The following LRRC4C variants were observed in gnomAD, a reference collection of about 807,000 sequenced individuals.
The protein encoded by LRRC4C is leucine-rich repeat-containing protein 4C.
A neutral mutation model predicts 33.6 loss-of-function variants in LRRC4C; 5 were observed. The ratio of observed to expected loss-of-function variants is 0.15; its 90% CI spans 0.08 to 0.31. The LOEUF is 0.31. Ranked by LOEUF, LRRC4C falls within the 10% of genes least tolerant of loss-of-function variation. The pLI, the probability that LRRC4C is intolerant of heterozygous loss-of-function variation, is 1.00. For synonymous variants in LRRC4C, 329 were observed against 302.0 expected (o/e 1.09, Z -0.93); for missense variants, 560 against 796.7 (o/e 0.70, Z 3.58).
chr11:40,955,934 T>A (rs1205898799), intron 1 of LRRC4C, among the ~76,000 whole-genome samples: 2 of 151,864 alleles, frequency 1.3e-5, no homozygotes, highest in Non-Finnish European at 2.9e-5. Flanking sequence ...AGGGACACTA[T>A]GTTGTTCTCA....
intron 4 of LRRC4C, among the ~76,000 whole-genome samples, chr11:40,316,620 C>T (rs1945586845): frequency 6.6e-6 from 1 of 151,958 alleles, no homozygotes; most frequent in Admixed American, 6.6e-5. Flanking sequence ...TTTCTGATCT[C>T]TAGGCGTTTA....
At chr11:40,788,178 G>T (rs1349450583) in intron 2 of LRRC4C, among the ~76,000 whole-genome samples, 1 of 152,124 alleles carries the variant, frequency 6.6e-6, no homozygotes, top group Non-Finnish European at 1.5e-5. Flanking sequence ...TTAATCCCAG[G>T]TTCTCAAGTT....
chr11:40,759,258 CAT>C (rs969651958), intron 2 of LRRC4C, among the ~76,000 whole-genome samples: 5 of 146,672 alleles, frequency 3.4e-5, no homozygotes, highest in African/African-American at 9.9e-5. Flanking sequence ...GTACTTCTTC[CAT>C]ATATATATTA....
chr11:41,113,969 G>T (rs1231842074), intron 1 of LRRC4C, among the ~76,000 whole-genome samples: 1 of 151,878 alleles, frequency 6.6e-6, no homozygotes, highest in Non-Finnish European at 1.5e-5. Context: ...TATAATCAGT[G>T]TTTAAAAGAG....
intron 3 of LRRC4C, among the ~76,000 whole-genome samples, chr11:40,618,374 A>G (rs1962080981): frequency 6.6e-6 from 1 of 151,622 alleles, no homozygotes; most frequent in African/African-American, 2.4e-5. Flanking sequence ...GGAGAAAGGC[A>G]TGGGACATAT....
chr11:40,592,145 C>T (rs946948440), intron 3 of LRRC4C, among the ~76,000 whole-genome samples: 3 of 152,294 alleles, frequency 2.0e-5, no homozygotes, highest in East Asian at 1.9e-4. Flanking sequence ...AGCAGCCCTC[C>T]CCTTTTGGAG....
At chr11:41,450,012 G>C (rs1251237333) in intron 1 of LRRC4C, among the ~76,000 whole-genome samples, 3 of 152,078 alleles carry the variant, frequency 2.0e-5, no homozygotes, top group Non-Finnish European at 4.4e-5. Flanking sequence ...CAGACAAACT[G>C]TCTCTCTCAT....
At chr11:40,779,137 G>T (rs1208155032) in intron 2 of LRRC4C, among the ~76,000 whole-genome samples, 2 of 152,012 alleles carry the variant, frequency 1.3e-5, no homozygotes, top group Non-Finnish European at 2.9e-5. Flanking sequence ...GAGATAAAAT[G>T]ACTATTTTGG....
chr11:40,135,429 C>T (rs1372824054), intron 6 of LRRC4C, among the ~76,000 whole-genome samples: 1 of 152,152 alleles, frequency 6.6e-6, no homozygotes, highest in Non-Finnish European at 1.5e-5. Flanking sequence ...TTAACACAGT[C>T]CCATGGAAAG....
intron 5 of LRRC4C, among the ~76,000 whole-genome samples, chr11:40,221,081 G>A (rs1298769230): frequency 6.6e-6 from 1 of 151,744 alleles, no homozygotes; most frequent in African/African-American, 2.4e-5. Context: ...TCACCATGTT[G>A]GTCAGGCTGG....
chr11:40,263,750 T>G (rs534102744), intron 4 of LRRC4C, among the ~76,000 whole-genome samples: 1 of 152,318 alleles, frequency 6.6e-6, no homozygotes, highest in South Asian at 2.1e-4. Context: ...GGCTAAATTC[T>G]GGATGACAGA....
intron 1 of LRRC4C, among the ~76,000 whole-genome samples, chr11:41,109,142 A>T (rs1941681789): frequency 6.6e-6 from 1 of 152,090 alleles, no homozygotes; most frequent in East Asian, 1.9e-4. Flanking sequence ...TCATCCCTTT[A>T]TCCCTTTCCA....
intron 3 of LRRC4C, among the ~76,000 whole-genome samples, chr11:40,518,013 G>A (rs561555041): frequency 2.6e-5 from 4 of 152,250 alleles, no homozygotes; most frequent in South Asian, 4.1e-4. Flanking sequence ...ATGGGGAAAG[G>A]AGTCCCTATT....
rs200033622 is a variant in LRRC4C, at chr11:40,444,320, T to TA, written c.-269-124600_-269-124599insT. Among the ~76,000 whole-genome samples, 613 of 151,208 alleles carry TA rather than the reference T, an allele frequency of 4.1e-3. 2 individuals carry two copies. The highest frequency in any genetic ancestry group is 5.5e-3 in the Non-Finnish European group (370 of 67,742). ...TTCTTCTAATCTCTGCCTTAACATT[T>TA]TTTTTAATTTATTTTATTTATTTTA... On this transcript the variant is annotated intron_variant, in intron 3 of 6. Transcript: ENST00000528697.
chr11:40,533,555 C>T (rs1478011294), intron 3 of LRRC4C, among the ~76,000 whole-genome samples: 4 of 152,124 alleles, frequency 2.6e-5, no homozygotes, highest in Non-Finnish European at 4.4e-5. Context: ...TGTTTTCTTA[C>T]TCTCTGTGCT....
intron 1 of LRRC4C, among the ~76,000 whole-genome samples, chr11:41,173,255 G>T (rs1019041846): frequency 6.6e-6 from 1 of 152,078 alleles, no homozygotes; most frequent in Non-Finnish European, 1.5e-5. Flanking sequence ...GGACTAACCC[G>T]CAGCTCTTTG....
chr11:40,502,786 G>C (rs1954842008), intron 3 of LRRC4C, among the ~76,000 whole-genome samples: 1 of 152,096 alleles, frequency 6.6e-6, no homozygotes, highest in Admixed American at 6.5e-5. Context: ...TTCACTCTTT[G>C]ATCACGACTT....
chr11:41,433,088 A>G, intron 1 of LRRC4C, among the ~76,000 whole-genome samples: 1 of 152,142 alleles, frequency 6.6e-6, no homozygotes, highest in East Asian at 1.9e-4. Flanking sequence ...GATGACCCCA[A>G]GTAATAGCCC....
At chr11:41,385,920 T>A (rs988445469) in intron 1 of LRRC4C, among the ~76,000 whole-genome samples, 1 of 151,646 alleles carries the variant, frequency 6.6e-6, no homozygotes, top group Non-Finnish European at 1.5e-5. Context: ...TATATTTTTA[T>A]TTATGAAATC....
Sources: allele counts gnomAD v4.1 joint callset (sites outside exome capture counted in the v4.1 genomes callset), GRCh38; gene constraint gnomAD v4.1.1; transcripts MANE v1.5; gene names NCBI Gene and HGNC (gene_info 2026-07-23, HGNC 2026-07-21).